The following PTPRM variants were observed in gnomAD, a reference collection of about 807,000 sequenced individuals.
PTPRM encodes receptor-type tyrosine-protein phosphatase mu.
PTPRM carries 47 observed loss-of-function variants against 186.7 expected under a neutral mutation model. The observed-to-expected ratio is 0.25, with a 90% confidence interval of 0.20 to 0.32. The LOEUF is 0.32. Ranked by LOEUF, PTPRM falls within the 10% of genes least tolerant of loss-of-function variation. The pLI, the probability that PTPRM is intolerant of heterozygous loss-of-function variation, is 1.00. For synonymous variants in PTPRM, 668 were observed against 674.9 expected, an observed-to-expected ratio of 0.99 and a Z score of 0.16; for missense variants, 1,494 against 1,865.0, an observed-to-expected ratio of 0.80 and a Z score of 3.66.
chr18:8,324,990 C>G (rs1456306790), intron 22 of PTPRM, among the ~76,000 whole-genome samples: 1 of 152,156 alleles, frequency 6.6e-6, no homozygotes, highest in Non-Finnish European at 1.5e-5. Flanking sequence ...TGAGAAACAG[C>G]ACAGAATCGC....
At position 8,105,259 on chromosome 18, in the gene PTPRM, C is replaced by T. The variant is rs1293150256; in HGVS notation, c.1857-8227C>T. On this transcript the variant is annotated intron_variant, in intron 11 of 32. Transcript: ENST00000580170. ...AAGGTGCCAGATCCCTTACTATCACCACCACCACTACCCCCACCCCACCTG... is the reference window on the plus strand; with the variant it reads ...AAGGTGCCAGATCCCTTACTATCACTACCACCACTACCCCCACCCCACCTG... Among the ~76,000 whole-genome samples, 3 of 152,168 alleles carry T rather than the reference C, an allele frequency of 2.0e-5. No homozygotes were observed. The East Asian group carries it at 5.8e-4, about 29-fold the overall frequency.
intron 5 of PTPRM, among the ~76,000 whole-genome samples, chr18:7,931,545 A>C (rs1232964344): frequency 6.6e-6 from 1 of 152,170 alleles, no homozygotes. Context: ...TACTGAAAAT[A>C]CAAAATTTAG....
At chr18:8,199,853 C>T (rs2093829372) in intron 14 of PTPRM, among the ~76,000 whole-genome samples, 1 of 151,994 alleles carries the variant, frequency 6.6e-6, no homozygotes, top group Non-Finnish European at 1.5e-5. Flanking sequence ...TTTGTTCAGG[C>T]TTTATTGGCG....
At chr18:8,334,160 T>C (rs754140) in intron 22 of PTPRM, among the ~76,000 whole-genome samples, 60,742 of 152,070 alleles carry the variant, frequency 0.4, 12,546 homozygotes, top group Middle Eastern at 0.55. Flanking sequence ...CAGGGAGCCA[T>C]CTAGTTGTAC....
intron 3 of PTPRM, among the ~76,000 whole-genome samples, chr18:7,891,113 CA>C (rs11294604): frequency 0.46 from 59,316 of 128,334 alleles, 14,837 homozygotes; most frequent in African/African-American, 0.73. Context: ...CCAGTGTCTC[CA>C]AAAAAAAAAA....
chr18:7,937,068 C>T (rs2051859938), intron 5 of PTPRM, among the ~76,000 whole-genome samples: 1 of 152,202 alleles, frequency 6.6e-6, no homozygotes, highest in East Asian at 1.9e-4. Context: ...CAGTAAAGCT[C>T]CTGTTCACCT....
chr18:8,396,588 A>T lies in PTPRM; in HGVS notation c.4344+1977A>T, dbSNP rs867161355. On this transcript the variant is annotated intron_variant, in intron 32 of 32. Transcript: ENST00000580170. Reference sequence around the variant, plus strand: ...TGGAGGCTTAGATGGCCGAACCAGAAGGGAGCTTGCGGTCCCAGCCCACGA... The same window carrying T: ...TGGAGGCTTAGATGGCCGAACCAGATGGGAGCTTGCGGTCCCAGCCCACGA... 3.9e-5 allele frequency among the ~76,000 whole-genome samples: 6 copies of T among 152,328 alleles called. No individual in the cohort carries two copies. In the South Asian group the frequency reaches 1.0e-3, roughly 26 times the overall value.
intron 1 of PTPRM, among the ~76,000 whole-genome samples, chr18:7,586,953 A>AT (rs528869199): frequency 4.5e-4 from 69 of 152,080 alleles, no homozygotes; most frequent in Non-Finnish European, 9.6e-4. Flanking sequence ...TACCTCTTTA[A>AT]TTTTTCTCCT....
intron 19 of PTPRM, among the ~76,000 whole-genome samples, chr18:8,259,506 T>C (rs944095647): frequency 8.2e-5 from 12 of 145,554 alleles, no homozygotes; most frequent in Non-Finnish European, 1.8e-4. Flanking sequence ...CCTCTTATCC[T>C]TCCCCCGTTT....
chr18:7,644,006 G>A (rs1187736770), intron 1 of PTPRM, among the ~76,000 whole-genome samples: 1 of 152,074 alleles, frequency 6.6e-6, no homozygotes, highest in African/African-American at 2.4e-5. Context: ...ATAGTGTAAT[G>A]GGAATGTTTT....
rs879602950 is a variant in PTPRM at position 8,258,866 on chromosome 18, C to CA, written c.2754+5464dup. On this transcript the variant is annotated intron_variant, in intron 19 of 32. Coordinates refer to ENST00000580170, the MANE Select transcript of PTPRM (RefSeq NM_001105244.2). ...AAGTAACTCTTTGCATCCTATTCTT[C>CA]AAAAAAAAAAAAGTGTGTGTGTACA... Among the ~76,000 whole-genome samples the CA allele has an allele frequency of 4.3e-3, 594 of 139,048 alleles. 4 individuals are homozygous for CA. The highest frequency in any genetic ancestry group is 0.013 in the African/African-American group (511 of 37,874). The allele number at this position is 139,048 out of a possible 152,430, so 91.2% of individuals were successfully genotyped here. A position where few individuals can be genotyped will look rare whatever the true frequency, so the allele number is the denominator to read the frequency against.
chr18:8,113,468 G>C lies in PTPRM; in HGVS notation c.1857-18G>C, dbSNP rs1043055094. The C allele has an allele frequency of 1.2e-6, 2 of 1,606,478 alleles. No homozygotes were observed. Among genetic ancestry groups the C allele is most frequent in the African/African-American group, 2.7e-5 (2 of 74,638 alleles). ...CAGTTATCATAAAATATCATTGATG[G>C]TACTCTTGTTTTTCTAGTGTCTATC... On this transcript the variant is annotated intron_variant, in intron 11 of 32. Coordinates refer to ENST00000580170, the MANE Select transcript of PTPRM (RefSeq NM_001105244.2).
intron 4 of PTPRM, among the ~76,000 whole-genome samples, chr18:7,912,192 A>C (rs1698645235): frequency 6.6e-6 from 1 of 152,004 alleles, no homozygotes; most frequent in African/African-American, 2.4e-5. Flanking sequence ...GAGCTATTTG[A>C]GTTAATATTT....
Position 8,289,433 on chromosome 18 carries a change from TGTATATATAC to T in PTPRM, c.2755-6926_2755-6917del, listed in dbSNP as rs1414404348. ...ATATACACATATATACGTATATATA[TGTATATATAC>T]GTATATATGTATATACATATATATA... On this transcript the variant is annotated intron_variant, in intron 19 of 32. Transcript: ENST00000580170. Among the ~76,000 whole-genome samples, 432 of 131,968 alleles carry T rather than the reference TGTATATATAC, an allele frequency of 3.3e-3. 34 individuals carry two copies. Among genetic ancestry groups the T allele is most frequent in the African/African-American group, 7.9e-3 (272 of 34,250 alleles). 86.6% of individuals were successfully genotyped at this position (131,968 alleles called of 152,430 possible).
intron 4 of PTPRM, among the ~76,000 whole-genome samples, chr18:7,924,406 G>T (rs1179787013): frequency 6.6e-6 from 1 of 152,036 alleles, no homozygotes; most frequent in African/African-American, 2.4e-5. Flanking sequence ...ACAGCTTTTG[G>T]CTTCTAATAT....
In PTPRM at chr18:8,310,521, A is replaced by C. The variant is rs1343290477; in HGVS notation, c.2843-4260A>C. Among the ~76,000 whole-genome samples, 3 of 148,172 alleles carry C rather than the reference A, an allele frequency of 2.0e-5. No homozygotes were observed. The East Asian group carries it at 6.0e-4, about 29-fold the overall frequency. ...TTCCTACCTCCTGGCCTGAATACAC[A>C]CTATCTCCTGGACTTGAAATTTAGG... On this transcript the variant is annotated intron_variant, in intron 20 of 32. Transcript: ENST00000580170.
chr18:7,911,660 A>G (rs1176060937), intron 4 of PTPRM, among the ~76,000 whole-genome samples: 1 of 152,066 alleles, frequency 6.6e-6, no homozygotes. Context: ...TTTACCCCCA[A>G]TCTGTGAGTT....
chr18:8,310,362 G>A (rs931841281), intron 20 of PTPRM, among the ~76,000 whole-genome samples: 2 of 151,184 alleles, frequency 1.3e-5, no homozygotes, highest in East Asian at 1.9e-4. Context: ...GGCTTCCCAC[G>A]GTGCTCAGGA....
At chr18:7,845,114 G>A (rs142615096) in intron 2 of PTPRM, among the ~76,000 whole-genome samples, 1 of 152,178 alleles carries the variant, frequency 6.6e-6, no homozygotes, top group African/African-American at 2.4e-5. Context: ...GACTTAACAC[G>A]TTTCTGAGAT....
Sources: gnomAD v4.1 joint callset for allele counts (sites outside exome capture counted in the v4.1 genomes callset) on GRCh38, gnomAD v4.1.1 for gene constraint, MANE v1.5 for transcripts, NCBI Gene and HGNC (gene_info 2026-07-23, HGNC 2026-07-21) for gene names.